The following ADAMTS12 variants were observed in gnomAD, a reference collection of about 807,000 sequenced individuals.
ADAMTS12 encodes the protein ADAM metallopeptidase with thrombospondin type 1 motif 12.
Under a neutral mutation model 167.8 loss-of-function variants are expected in ADAMTS12, and 118 were observed. The observed-to-expected ratio is 0.70, with a 90% CI of 0.61 to 0.82. The LOEUF is 0.82. ADAMTS12 is among the 40% of genes least tolerant of loss of function. The pLI, the probability that ADAMTS12 is intolerant of heterozygous loss-of-function variation, is 0.00. For missense variants in ADAMTS12, 1,916 were observed against 1,998.8 expected, an observed-to-expected ratio of 0.96 and a Z score of 0.79; for synonymous variants, 704 against 716.9, an observed-to-expected ratio of 0.98 and a Z score of 0.29.
At chr5:33,716,018 ATTTTTGTCCAGT>A (rs1743600228) in intron 3 of ADAMTS12, among the ~76,000 whole-genome samples, 1 of 152,106 alleles carries the variant, frequency 6.6e-6, no homozygotes, top group Non-Finnish European at 1.5e-5. Flanking sequence ...ACTACAAATA[ATTTTTGTCCAGT>A]AGATAAGATG....
intron 19 of ADAMTS12, among the ~76,000 whole-genome samples, chr5:33,574,462 T>C (rs1176824311): frequency 6.6e-6 from 1 of 152,124 alleles, no homozygotes; most frequent in African/African-American, 2.4e-5. Flanking sequence ...ATGGATGAAA[T>C]TGGAAATCAT....
At chr5:33,674,080 T>C (rs562766672) in intron 5 of ADAMTS12, among the ~76,000 whole-genome samples, 1 of 152,310 alleles carries the variant, frequency 6.6e-6, no homozygotes, top group South Asian at 2.1e-4. Flanking sequence ...ATTCTTCTCC[T>C]TGTCTCAGGC....
intron 2 of ADAMTS12, among the ~76,000 whole-genome samples, chr5:33,808,801 A>C (rs916742342): frequency 6.6e-6 from 1 of 152,222 alleles, no homozygotes; most frequent in Non-Finnish European, 1.5e-5. Context: ...AGGCCCAAGG[A>C]GATTAAAAGT....
intron 2 of ADAMTS12, among the ~76,000 whole-genome samples, chr5:33,825,216 G>T (rs941533207): frequency 3.9e-5 from 6 of 152,156 alleles, no homozygotes; most frequent in African/African-American, 4.8e-5. Context: ...AGGTCTCTTT[G>T]TGGAGGTGGC....
chr5:33,570,153 C>G (rs1055524864), intron 19 of ADAMTS12, among the ~76,000 whole-genome samples: 10 of 152,180 alleles, frequency 6.6e-5, no homozygotes, highest in Non-Finnish European at 1.2e-4. Flanking sequence ...GAGAATGGAA[C>G]CAAGTTGGAA....
intron 19 of ADAMTS12, among the ~76,000 whole-genome samples, chr5:33,575,572 T>A (rs1297367194): frequency 1.3e-5 from 2 of 152,212 alleles, no homozygotes; most frequent in Non-Finnish European, 2.9e-5. Context: ...AGCTTCCCTT[T>A]CCAATGACAT....
chr5:33,717,934 GT>G (rs1486437265), intron 3 of ADAMTS12, among the ~76,000 whole-genome samples: 3 of 152,168 alleles, frequency 2.0e-5, no homozygotes, highest in Non-Finnish European at 4.4e-5. Context: ...CTACTGCCTA[GT>G]TTCCCATACT....
In ADAMTS12 at chr5:33,676,707, C is replaced by CAG. The variant is rs66523760; in HGVS notation, c.915+6309_915+6310dup. 1.6e-3 allele frequency among the ~76,000 whole-genome samples: 233 copies of CAG among 149,106 alleles called. 1 individual carries two copies. Among genetic ancestry groups the CAG allele is most frequent in the Middle Eastern group, 6.8e-3 (2 of 292 alleles). On this transcript the variant is annotated intron_variant, in intron 5 of 23. Transcript: ENST00000504830. ...TTACACACACACACACACACACACA[C>CAG]AGAGAGAGAGAGAGAGAGAGAGAAT...
intron 2 of ADAMTS12, among the ~76,000 whole-genome samples, chr5:33,771,242 C>T (rs1346278213): frequency 2.6e-5 from 4 of 152,102 alleles, no homozygotes; most frequent in Non-Finnish European, 5.9e-5. Flanking sequence ...TGTTGAACAT[C>T]CATAACTAGA....
At chr5:33,703,493 C>T (rs1743075379) in intron 3 of ADAMTS12, among the ~76,000 whole-genome samples, 1 of 152,084 alleles carries the variant, frequency 6.6e-6, no homozygotes, top group African/African-American at 2.4e-5. Context: ...TTGTACAGAT[C>T]TCCAGATCTT....
intron 2 of ADAMTS12, among the ~76,000 whole-genome samples, chr5:33,820,265 A>T (rs931137739): frequency 6.6e-6 from 1 of 152,166 alleles, no homozygotes; most frequent in Non-Finnish European, 1.5e-5. Flanking sequence ...TGCAGGGGGA[A>T]TTTTATCTTT....
intron 3 of ADAMTS12, among the ~76,000 whole-genome samples, chr5:33,690,225 T>TAC (rs1480426716): frequency 1.3e-5 from 2 of 152,232 alleles, no homozygotes; most frequent in Non-Finnish European, 2.9e-5. Flanking sequence ...AGGGTCTCTG[T>TAC]AGGAAGCTCA....
intron 18 of ADAMTS12, among the ~76,000 whole-genome samples, chr5:33,579,028 C>T (rs549650979): frequency 2.6e-5 from 4 of 152,294 alleles, no homozygotes; most frequent in Admixed American, 2.6e-4. Context: ...AGTGTCAGAG[C>T]CCAACAGGGA....
intron 2 of ADAMTS12, among the ~76,000 whole-genome samples, chr5:33,778,841 AT>A (rs1746012186): frequency 6.6e-6 from 1 of 152,164 alleles, no homozygotes; most frequent in South Asian, 2.1e-4. Context: ...GAATAACTCA[AT>A]TAAAAATGGG....
chr5:33,575,136 T>TA (rs1271304181), intron 19 of ADAMTS12, among the ~76,000 whole-genome samples: 1 of 152,192 alleles, frequency 6.6e-6, no homozygotes. Flanking sequence ...CTCTATATTC[T>TA]AATTCTTTCA....
intron 12 of ADAMTS12, among the ~76,000 whole-genome samples, chr5:33,633,730 G>A (rs908408015): frequency 1.1e-4 from 16 of 152,068 alleles, no homozygotes; most frequent in Non-Finnish European, 2.1e-4. Flanking sequence ...GGGTGGTAAT[G>A]GATGGTCTTA....
At chr5:33,531,884 G>A (rs904415413) in intron 23 of ADAMTS12, among the ~76,000 whole-genome samples, 1 of 152,182 alleles carries the variant, frequency 6.6e-6, no homozygotes, top group Non-Finnish European at 1.5e-5. Context: ...AGTGGAGGAT[G>A]AGAGTGGCCT....
intron 2 of ADAMTS12, among the ~76,000 whole-genome samples, chr5:33,866,424 C>G (rs1021507470): frequency 6.6e-6 from 1 of 152,084 alleles, no homozygotes; most frequent in Non-Finnish European, 1.5e-5. Context: ...ATCCCCATCT[C>G]TCACCTTATA....
intron 3 of ADAMTS12, among the ~76,000 whole-genome samples, chr5:33,723,289 C>G (rs6892390): frequency 0.014 from 2,114 of 152,272 alleles, 48 homozygotes; most frequent in African/African-American, 0.048. Context: ...CTTATTCTCC[C>G]TTTTGTGTAA....
Sources: allele counts gnomAD v4.1 joint callset (sites outside exome capture counted in the v4.1 genomes callset), GRCh38; gene constraint gnomAD v4.1.1; transcripts MANE v1.5; gene names NCBI Gene and HGNC (gene_info 2026-07-23, HGNC 2026-07-21).